The following CORO2B variants were observed in gnomAD, a reference collection of about 807,000 sequenced individuals.
The protein encoded by CORO2B is coronin-2B.
CORO2B carries 26 observed loss-of-function variants against 58.8 expected under a neutral mutation model. The ratio of observed to expected loss-of-function variants is 0.44; its 90% CI spans 0.32 to 0.61. The LOEUF (loss-of-function observed/expected upper bound fraction) is 0.61, where lower values mean the gene tolerates loss of function less well. Among genes scored for constraint, CORO2B ranks in the 20% least tolerant of loss-of-function variants. CORO2B has a pLI of 0.04. For missense variants in CORO2B, 460 were observed against 645.1 expected, an observed-to-expected ratio of 0.71 and a Z score of 3.11; for synonymous variants, 242 against 253.8, an observed-to-expected ratio of 0.95 and a Z score of 0.44.
At chr15:68,604,078 G>A (rs923243882) in intron 1 of CORO2B, among the ~76,000 whole-genome samples, 11 of 152,294 alleles carry the variant, frequency 7.2e-5, no homozygotes, top group African/African-American at 2.4e-4. Flanking sequence ...TGAGCACTGA[G>A]TGTATTTCAT....
Position 68,711,687 on chromosome 15 carries a change from G to A in CORO2B, c.629G>A (p.Arg210His), listed in dbSNP as rs926965860. The A allele has an allele frequency of 6.2e-7, 1 of 1,614,010 alleles. No homozygotes were observed. Among genetic ancestry groups the A allele is most frequent in the Non-Finnish European group, 8.5e-7 (1 of 1,179,942 alleles). Reference sequence around the variant, plus strand: ...AAGAAGCTGCGTGTGATTGAGCCCCGCTCTGGCCGTGTTCTGCAGGTGGAA... The same window carrying A: ...AAGAAGCTGCGTGTGATTGAGCCCCACTCTGGCCGTGTTCTGCAGGTGGAA... ...KDKKLRVIEP[R>H]SGRVLQEANC... is the part of the protein sequence containing the mutation. The change falls in exon 5 of 12, where the codon CGC becomes CAC. Residue 210 changes from arginine to histidine, a missense_variant. Physicochemically the swap from Arg to His is conservative, Grantham distance 29 (BLOSUM62 0). Around this residue, in one of 2 missense-constraint regions of CORO2B, gnomAD observed 352 missense variants for 543.0 expected, o/e 0.65. Coordinates refer to ENST00000261861, the MANE Select transcript of CORO2B (RefSeq NM_006091.5).
Position 68,704,250 on chromosome 15 carries a change from A to AG in CORO2B, c.334-6481dup, listed in dbSNP as rs539721271. Among the ~76,000 whole-genome samples, 256 of 151,752 alleles carry AG rather than the reference A, an allele frequency of 1.7e-3. 2 individuals are homozygous for AG. The highest frequency in any genetic ancestry group is 2.5e-3 in the Non-Finnish European group (172 of 67,946). ...GCAAGACCGTGTCTGAAAAAAAAAAAGAAAACTATAACCCAATTACATCTA... is the reference window on the plus strand; with the variant it reads ...GCAAGACCGTGTCTGAAAAAAAAAAAGGAAAACTATAACCCAATTACATCTA... On this transcript the variant is annotated intron_variant, in intron 3 of 11. Transcript: ENST00000261861.
At position 68,725,949 on chromosome 15, in the gene CORO2B, T is replaced by C. The variant is rs1286010105; in HGVS notation, c.1418T>C (p.Leu473Ser). 16 of 1,613,914 alleles carry C rather than the reference T, an allele frequency of 9.9e-6. No individual in the cohort carries two copies. The highest frequency in any genetic ancestry group is 1.4e-5 in the Non-Finnish European group (16 of 1,180,022). Reference sequence around the variant, plus strand: ...CAGCTCCAGCTGGAACTGAAAAACTTGCGCAACAGCCCCAAGAACTGTTAG... The same window carrying C: ...CAGCTCCAGCTGGAACTGAAAAACTCGCGCAACAGCCCCAAGAACTGTTAG... ...IRQLQLELKN[L>S]RNSPKNC Residue 473 changes from leucine (L) to serine (S), a missense_variant, in exon 12 of 12, where the codon TTG (leucine) becomes TCG (serine). Transcript: ENST00000261861.
chr15:68,649,303 T>G (rs1024736857), intron 2 of CORO2B, among the ~76,000 whole-genome samples: 1 of 152,270 alleles, frequency 6.6e-6, no homozygotes, highest in African/African-American at 2.4e-5. Flanking sequence ...AATCATGGAC[T>G]TATTGTGACC....
chr15:68,650,238 G>T (rs986330712), intron 2 of CORO2B, among the ~76,000 whole-genome samples: 4 of 151,976 alleles, frequency 2.6e-5, no homozygotes, highest in Non-Finnish European at 5.9e-5. Context: ...CATGATGGCA[G>T]GTGCCTGTAA....
At chr15:68,631,926 C>G (rs1464274647) in intron 1 of CORO2B, 1 of 984,930 alleles carries the variant, frequency 1.0e-6, no homozygotes, top group African/African-American at 1.7e-5. Flanking sequence ...AGATGGCCAC[C>G]AGGGAGGGCC....
chr15:68,554,828 G>A, the CORO2B span, among the ~76,000 whole-genome samples: 2 of 152,210 alleles, frequency 1.3e-5, no homozygotes, highest in Admixed American at 6.5e-5. Flanking sequence ...CTCCAGGGCT[G>A]CAGGAAGAGG....
At chr15:68,563,635 C>A in the CORO2B span, among the ~76,000 whole-genome samples, 3 of 151,854 alleles carry the variant, frequency 2.0e-5, no homozygotes, top group Non-Finnish European at 4.4e-5. Flanking sequence ...AGTGACACAC[C>A]TTTAGCTAGA....
intron 3 of CORO2B, among the ~76,000 whole-genome samples, chr15:68,701,949 AT>A (rs1165613859): frequency 6.6e-6 from 1 of 152,100 alleles, no homozygotes; most frequent in African/African-American, 2.4e-5. Flanking sequence ...AAGAGTTTAA[AT>A]AACTTGCCCA....
At chr15:68,718,573 A>G (rs1893085482) in intron 8 of CORO2B, 125 bp from the exon 9 acceptor site, 1 of 772,674 alleles carries the variant, frequency 1.3e-6, no homozygotes, top group South Asian at 1.7e-5. Context: ...TGCCCTCTGC[A>G]TGGGCCGTTG....
intron 1 of CORO2B, among the ~76,000 whole-genome samples, chr15:68,580,460 C>G (rs539581475): frequency 5.3e-5 from 8 of 152,112 alleles, no homozygotes; most frequent in Non-Finnish European, 1.2e-4. Flanking sequence ...TCTGGTAAGC[C>G]AGGGCCTACC....
intron 1 of CORO2B, among the ~76,000 whole-genome samples, chr15:68,630,377 C>G (rs1213628260): frequency 6.6e-6 from 1 of 152,086 alleles, no homozygotes; most frequent in Non-Finnish European, 1.5e-5. Context: ...TCAGCACACC[C>G]CAAGGAACGG....
intron 2 of CORO2B, among the ~76,000 whole-genome samples, chr15:68,673,530 A>G (rs1230304065): frequency 6.6e-6 from 1 of 151,874 alleles, no homozygotes; most frequent in Non-Finnish European, 1.5e-5. Context: ...ATAAAATAAA[A>G]TTTTCTTAAA....
At chr15:68,542,138 A>T in the CORO2B span, among the ~76,000 whole-genome samples, 1 of 152,198 alleles carries the variant, frequency 6.6e-6, no homozygotes, top group Admixed American at 6.5e-5. Flanking sequence ...TGGGCTAGTA[A>T]ATCCAGTCTC....
the CORO2B span, among the ~76,000 whole-genome samples, chr15:68,531,186 A>G: frequency 6.6e-6 from 1 of 152,138 alleles, no homozygotes; most frequent in Admixed American, 6.5e-5. Context: ...CTTCTAAAGA[A>G]CTTTCAAAAT....
At chr15:68,549,374 GT>G in the CORO2B span, among the ~76,000 whole-genome samples, 139,687 of 151,878 alleles carry the variant, frequency 0.92, 64,664 homozygotes, top group East Asian at 1. Flanking sequence ...ATTGTTTGGG[GT>G]TTTTTTTTAA....
the CORO2B span, among the ~76,000 whole-genome samples, chr15:68,570,527 C>T: frequency 6.6e-6 from 1 of 152,218 alleles, no homozygotes; most frequent in Non-Finnish European, 1.5e-5. Flanking sequence ...GAGGCAATAT[C>T]AGAGGCTAAG....
At position 68,710,550 on chromosome 15, in the gene CORO2B, C is replaced by T. The variant is rs1030019632; in HGVS notation, c.334-182C>T. ...CACAGGCAGAGAGATGGTCTCCTTC[C>T]TCTCCAGCCACACCCTGAGACCTCC... On this transcript the variant is annotated intron_variant, in intron 3 of 11. Coordinates refer to ENST00000261861, the MANE Select transcript of CORO2B (RefSeq NM_006091.5). This position sits in a 1 kb window ranked among gnomAD's most constrained non-coding sequence, Gnocchi z 4.1. 2.0e-5 allele frequency among the ~76,000 whole-genome samples: 3 copies of T among 152,176 alleles called. No individual in the cohort carries two copies. Among genetic ancestry groups the T allele is most frequent in the African/African-American group, 7.2e-5 (3 of 41,452 alleles).
the CORO2B span, chr15:68,559,514 T>G: frequency 1.2e-6 from 1 of 809,558 alleles, no homozygotes; most frequent in Non-Finnish European, 1.5e-6. This position sits in a 1 kb window ranked among gnomAD's most constrained non-coding sequence, Gnocchi z 4.3. Context: ...AGCGGGGTGG[T>G]GAGGGGGTAG....
Sources: allele counts gnomAD v4.1 joint callset (sites outside exome capture counted in the v4.1 genomes callset), GRCh38; gene constraint gnomAD v4.1.1; regional missense constraint gnomAD v4.1.1; non-coding constraint Gnocchi (gnomAD v3.1); transcripts MANE v1.5; gene names NCBI Gene and HGNC (gene_info 2026-07-23, HGNC 2026-07-21).